TRPM3: variants seen among roughly 807,000 people sequenced by gnomAD.
The protein encoded by TRPM3 is transient receptor potential cation channel subfamily M member 3.
In TRPM3, 77 loss-of-function variants were observed where a neutral mutation model predicts 181.2. The ratio of observed to expected loss-of-function variants is 0.42; its 90% confidence interval spans 0.35 to 0.51. The LOEUF is 0.51. Among genes scored for constraint, TRPM3 ranks in the 20% least tolerant of loss-of-function variants. The probability of loss-of-function intolerance (pLI) is 0.01; values close to 1 mark genes in which losing one functional copy is unlikely to be tolerated. For synonymous variants in TRPM3, 745 were observed against 796.4 expected, an observed-to-expected ratio of 0.94 and a Z score of 1.09; for missense variants, 1,759 against 2,196.7, an observed-to-expected ratio of 0.80 and a Z score of 3.98.
chr9:70,627,937 C>A (rs980011898), intron 12 of TRPM3, among the ~76,000 whole-genome samples: 13 of 152,070 alleles, frequency 8.5e-5, no homozygotes, highest in African/African-American at 3.1e-4. Context: ...TAAAAAAGAC[C>A]AATTGTCTGA....
chr9:71,160,137 T>C (rs1001300017), intron 1 of TRPM3, among the ~76,000 whole-genome samples: 1 of 152,142 alleles, frequency 6.6e-6, no homozygotes, highest in African/African-American at 2.4e-5. Flanking sequence ...AGGCACACTT[T>C]GGCCTTGTAA....
chr9:70,919,257 C>T (rs2096631163), intron 1 of TRPM3, among the ~76,000 whole-genome samples: 1 of 152,190 alleles, frequency 6.6e-6, no homozygotes, highest in African/African-American at 2.4e-5. Flanking sequence ...TTAGAATCCC[C>T]TTTCTAGTTG....
chr9:70,668,905 A>C (rs997018655), intron 9 of TRPM3, among the ~76,000 whole-genome samples: 3 of 152,226 alleles, frequency 2.0e-5, no homozygotes, highest in African/African-American at 7.2e-5. Flanking sequence ...CATTGCCCTG[A>C]AGCAAGCCAA....
At chr9:71,442,092 T>C (rs2094143631) in intron 1 of TRPM3, among the ~76,000 whole-genome samples, 1 of 152,146 alleles carries the variant, frequency 6.6e-6, no homozygotes, top group Non-Finnish European at 1.5e-5. Context: ...GTGAGAAGAG[T>C]AGCTTTGGTA....
chr9:70,669,480 C>T (rs1470203265), intron 9 of TRPM3, among the ~76,000 whole-genome samples: 1 of 152,048 alleles, frequency 6.6e-6, no homozygotes, highest in Admixed American at 6.6e-5. Flanking sequence ...GAGTCCAGGC[C>T]CCATTCTCTC....
intron 9 of TRPM3, among the ~76,000 whole-genome samples, chr9:70,656,635 A>G (rs541859104): frequency 1.3e-3 from 203 of 152,344 alleles, no homozygotes; most frequent in African/African-American, 4.7e-3. Flanking sequence ...TAAATAATCT[A>G]GGTAAACAAA....
intron 6 of TRPM3, among the ~76,000 whole-genome samples, chr9:70,787,763 C>CTTTTTTTTTTTTTTTTTTTTTTTTCATTT: frequency 1.5e-5 from 1 of 68,558 alleles, no homozygotes; most frequent in East Asian, 6.0e-4. Flanking sequence ...TTTTTGGATT[C>CTTTTTTTTTTTTTTTTTTTTTTTTCATTT]TTTTTTTTTT....
chr9:71,397,294 T>C (rs1418612775), intron 1 of TRPM3, among the ~76,000 whole-genome samples: 2 of 152,232 alleles, frequency 1.3e-5, no homozygotes, highest in East Asian at 3.8e-4. Context: ...GTAAAGCATA[T>C]ATTTTCCAAT....
chr9:70,544,069 G>A (rs2044238590), intron 25 of TRPM3, among the ~76,000 whole-genome samples: 1 of 152,170 alleles, frequency 6.6e-6, no homozygotes, highest in Non-Finnish European at 1.5e-5. Flanking sequence ...GTTTTTTGAA[G>A]TATGCTTTCA....
At chr9:71,226,601 TAAAGG>T (rs2080674365) in intron 1 of TRPM3, among the ~76,000 whole-genome samples, 1 of 152,006 alleles carries the variant, frequency 6.6e-6, no homozygotes, top group Non-Finnish European at 1.5e-5. Flanking sequence ...TATATAATAA[TAAAGG>T]AGTCAGTTCA....
intron 1 of TRPM3, among the ~76,000 whole-genome samples, chr9:70,977,141 ATT>A (rs916412242): frequency 6.6e-6 from 1 of 151,034 alleles, no homozygotes; most frequent in African/African-American, 2.4e-5. Flanking sequence ...TTATTTATTT[ATT>A]TTTTTTTTTG....
intron 25 of TRPM3, among the ~76,000 whole-genome samples, chr9:70,545,605 G>A (rs2044676781): frequency 7.3e-6 from 1 of 136,762 alleles, no homozygotes; most frequent in Non-Finnish European, 1.5e-5. Context: ...AGAGCGCAGT[G>A]GTACGATCTC....
At chr9:71,389,313 T>TA (rs145576567) in intron 1 of TRPM3, among the ~76,000 whole-genome samples, 3,768 of 147,224 alleles carry the variant, frequency 0.026, 83 homozygotes, top group African/African-American at 0.062. Context: ...TGGCCATAAT[T>TA]AAAAAAAAAA....
chr9:71,272,402 T>C (rs1489170031), intron 1 of TRPM3, among the ~76,000 whole-genome samples: 6 of 152,108 alleles, frequency 3.9e-5, no homozygotes, highest in African/African-American at 1.4e-4. Flanking sequence ...TTGCACAAAG[T>C]CCAAATATGC....
chr9:71,159,516 TA>T (rs549818428), intron 1 of TRPM3, among the ~76,000 whole-genome samples: 1 of 152,090 alleles, frequency 6.6e-6, no homozygotes, highest in South Asian at 2.1e-4. Context: ...CACATATGTT[TA>T]AAAAAATCCT....
At chr9:70,803,934 G>A (rs2090001492) in intron 6 of TRPM3, among the ~76,000 whole-genome samples, 6 of 152,128 alleles carry the variant, frequency 3.9e-5, no homozygotes, top group Admixed American at 3.9e-4. Flanking sequence ...TCAGAGAGGA[G>A]CTAGAGTGAG....
At chr9:70,654,345 C>A (rs925750029) in intron 9 of TRPM3, among the ~76,000 whole-genome samples, 1 of 152,054 alleles carries the variant, frequency 6.6e-6, no homozygotes, top group Non-Finnish European at 1.5e-5. Flanking sequence ...GGTGCGTTGA[C>A]CTCCCATAAT....
rs75075129 is a variant in TRPM3 at position 70,998,712 on chromosome 9, T to C, written c.177+122466A>G. ...CCGTTCTTCCTTTCCCTCTCCTTCC[T>C]GCTGTTTACATTATTCCCATGAGAG... is the stretch of plus-strand genomic sequence containing the variant. On this transcript the variant is annotated intron_variant, in intron 1 of 25. Transcript: ENST00000677713. Among the ~76,000 whole-genome samples, 86 of 152,350 alleles carry C rather than the reference T, an allele frequency of 5.6e-4. No homozygotes were observed. In the East Asian group the frequency reaches 0.015, roughly 27 times the overall value.
intron 1 of TRPM3, among the ~76,000 whole-genome samples, chr9:71,412,253 C>G (rs1041098745): frequency 2.0e-5 from 3 of 152,122 alleles, no homozygotes; most frequent in African/African-American, 7.2e-5. Context: ...CAAATGGGAT[C>G]TAATTAAACT....
Sources: gnomAD v4.1 joint callset for allele counts (sites outside exome capture counted in the v4.1 genomes callset) on GRCh38, gnomAD v4.1.1 for gene constraint, MANE v1.5 for transcripts, NCBI Gene and HGNC (gene_info 2026-07-23, HGNC 2026-07-21) for gene names.